The following RHBDD1 variants were observed in gnomAD, a reference collection of about 807,000 sequenced individuals.
The protein encoded by RHBDD1 is rhomboid-related protein 4.
In RHBDD1, 38 loss-of-function variants were observed where a neutral mutation model predicts 36.3. The observed-to-expected ratio is 1.05, with a 90% CI of 0.81 to 1.37. RHBDD1 has a LOEUF of 1.37. Ranked by LOEUF, RHBDD1 falls within the 40% of genes most tolerant of loss-of-function variation. RHBDD1 has a pLI of 0.00. For synonymous variants in RHBDD1, 151 were observed against 136.5 expected (o/e 1.11, Z -0.74); for missense variants, 393 against 377.6 (o/e 1.04, Z -0.34).
chr2:226,825,152 A>G, the RHBDD1 span, among the ~76,000 whole-genome samples: 1 of 152,196 alleles, frequency 6.6e-6, no homozygotes, highest in Non-Finnish European at 1.5e-5. Context: ...TTTTGCCAGA[A>G]TTTAGGAGGG....
At chr2:226,908,425 T>C in intron 6 of RHBDD1, 1 of 180,010 alleles carries the variant, frequency 5.6e-6, no homozygotes, top group Admixed American at 5.5e-5. Flanking sequence ...CTAGGAAGGG[T>C]AGGGAGGATG....
At chr2:226,840,974 A>G (rs990818322) in intron 3 of RHBDD1, among the ~76,000 whole-genome samples, 1 of 152,112 alleles carries the variant, frequency 6.6e-6, no homozygotes, top group African/African-American at 2.4e-5. Context: ...GATACCAGCA[A>G]TATTGCAATT....
chr2:226,972,943 A>C (rs1419006796), intron 8 of RHBDD1, among the ~76,000 whole-genome samples: 7 of 150,358 alleles, frequency 4.7e-5, no homozygotes, highest in African/African-American at 7.5e-5. Flanking sequence ...AAAAAAAAAA[A>C]AACAAAAAAC....
chr2:226,874,749 C>A (rs56234014), intron 5 of RHBDD1, among the ~76,000 whole-genome samples: 12,044 of 152,210 alleles, frequency 0.079, 544 homozygotes, highest in East Asian at 0.2. Context: ...TTACATTCAT[C>A]AGTTCCAGGG....
intron 8 of RHBDD1, among the ~76,000 whole-genome samples, chr2:226,992,923 C>T (rs1262855037): frequency 1.3e-5 from 2 of 152,174 alleles, no homozygotes; most frequent in Non-Finnish European, 2.9e-5. Context: ...TGAGATGATT[C>T]TATTGGGAGT....
chr2:226,916,092 GGA>G (rs1948888227), intron 8 of RHBDD1, among the ~76,000 whole-genome samples: 1 of 152,198 alleles, frequency 6.6e-6, no homozygotes, highest in Non-Finnish European at 1.5e-5. Context: ...AAGGTTTACA[GGA>G]GAGTGCAGAA....
chr2:226,930,791 G>GA (rs1027432524), intron 8 of RHBDD1, among the ~76,000 whole-genome samples: 8 of 148,486 alleles, frequency 5.4e-5, no homozygotes, highest in African/African-American at 1.7e-4. Context: ...AAATCAACAA[G>GA]AAAAAAAAAT....
At chr2:226,913,710 A>G (rs563822246) in intron 7 of RHBDD1, among the ~76,000 whole-genome samples, 1 of 152,302 alleles carries the variant, frequency 6.6e-6, no homozygotes, top group South Asian at 2.1e-4. Flanking sequence ...AATTACAATT[A>G]CAGAGAAATT....
At chr2:226,911,449 A>G (rs1948508278) in intron 7 of RHBDD1, among the ~76,000 whole-genome samples, 1 of 151,066 alleles carries the variant, frequency 6.6e-6, no homozygotes, top group Admixed American at 6.6e-5. Flanking sequence ...TAAATATTCT[A>G]TTAGTGTTGC....
the RHBDD1 span, among the ~76,000 whole-genome samples, chr2:226,829,918 T>C: frequency 1.3e-5 from 2 of 152,138 alleles, no homozygotes; most frequent in South Asian, 4.1e-4. Context: ...CTTTTCTTGT[T>C]TCTAATCTCA....
chr2:226,941,813 A>G (rs1323840844), intron 8 of RHBDD1, among the ~76,000 whole-genome samples: 1 of 152,220 alleles, frequency 6.6e-6, no homozygotes, highest in Admixed American at 6.5e-5. Context: ...ACCTAGAGGA[A>G]AGCACTGTAA....
chr2:226,899,409 CAT>C (rs1947406576), intron 5 of RHBDD1, among the ~76,000 whole-genome samples: 1 of 152,026 alleles, frequency 6.6e-6, no homozygotes, highest in African/African-American at 2.4e-5. Flanking sequence ...TTTCTGTAAA[CAT>C]ATATTGAGCA....
At chr2:226,960,424 A>T (rs140415099) in intron 8 of RHBDD1, among the ~76,000 whole-genome samples, 54 of 152,312 alleles carry the variant, frequency 3.5e-4, no homozygotes, top group Middle Eastern at 3.4e-3. Context: ...CTTTTAACTG[A>T]TTGCATTGGA....
chr2:226,892,480 C>T (rs779140565), intron 5 of RHBDD1, among the ~76,000 whole-genome samples: 27 of 152,160 alleles, frequency 1.8e-4, no homozygotes, highest in Non-Finnish European at 3.2e-4. Context: ...ACTTTTTGTA[C>T]ATGCGATACA....
intron 5 of RHBDD1, among the ~76,000 whole-genome samples, chr2:226,884,772 A>G (rs1421429544): frequency 6.6e-6 from 1 of 152,160 alleles, no homozygotes; most frequent in Admixed American, 6.5e-5. Flanking sequence ...GCCTCACTAG[A>G]CTCTAAAACA....
intron 5 of RHBDD1, chr2:226,867,564 A>G (rs1944441942): frequency 1.0e-6 from 1 of 984,590 alleles, no homozygotes; most frequent in Admixed American, 6.1e-5. Flanking sequence ...TTTTTTAAGT[A>G]GGAGAACCTG....
Position 226,901,176 on chromosome 2 carries a change from G to C in RHBDD1, c.567-5617G>C, listed in dbSNP as rs777523201. On this transcript the variant is annotated intron_variant, in intron 5 of 8. Transcript: ENST00000392062. ...AGGAAAATGCCATCTAGATTTGTCCGTGTTGTCTTAAATGGCAGGATTTCC... is the reference window on the plus strand; with the variant it reads ...AGGAAAATGCCATCTAGATTTGTCCCTGTTGTCTTAAATGGCAGGATTTCC... Among the ~76,000 whole-genome samples the C allele has an allele frequency of 1.4e-3, 209 of 152,196 alleles. 1 individual carries two copies. The highest frequency in any genetic ancestry group is 1.7e-3 in the Non-Finnish European group (118 of 67,984).
chr2:226,802,941 A>G, the RHBDD1 span, among the ~76,000 whole-genome samples: 2 of 152,246 alleles, frequency 1.3e-5, no homozygotes, highest in Admixed American at 1.3e-4. Flanking sequence ...TGCAAAATTT[A>G]TAGATTATTA....
At position 226,865,046 on chromosome 2, in the gene RHBDD1, T is replaced by C; in HGVS notation, c.353T>C (p.Val118Ala). The change falls in exon 4 of 9, where the codon GTA becomes GCA. Residue 118 changes from valine (V) to alanine (A), a missense_variant. Physicochemically the swap from Val to Ala is moderately conservative, Grantham distance 64. Coordinates refer to ENST00000392062, the MANE Select transcript of RHBDD1 (RefSeq NM_001167608.3). ...ITAFSVLTGV[V>A]YLLLQFAVAE... is the part of the protein sequence containing the mutation. ...GCATTTTCTGTACTTACTGGAGTGG[T>C]ATACCTGCTCTTGCAATTTGCTGTT... 1.9e-6 allele frequency: 3 copies of C among 1,614,184 alleles called. No individual in the cohort carries two copies. Among genetic ancestry groups the C allele is most frequent in the Non-Finnish European group, 2.5e-6 (3 of 1,180,000 alleles).
Sources: gnomAD v4.1 joint callset for allele counts (sites outside exome capture counted in the v4.1 genomes callset) on GRCh38, gnomAD v4.1.1 for gene constraint, MANE v1.5 for transcripts, NCBI Gene and HGNC (gene_info 2026-07-23, HGNC 2026-07-21) for gene names.